COL4A3: variants seen among roughly 807,000 people sequenced by gnomAD.
COL4A3 encodes the protein collagen type IV alpha 3 chain, also known as collagen alpha-3(IV) chain.
Under a neutral mutation model 217.4 loss-of-function variants are expected in COL4A3, and 135 were observed. The observed-to-expected ratio is 0.62, with a 90% confidence interval of 0.54 to 0.72. The LOEUF (loss-of-function observed/expected upper bound fraction) is 0.72. COL4A3 is among the 30% of genes least tolerant of loss of function. COL4A3 has a pLI of 0.00. For missense variants in COL4A3, 1,868 were observed against 2,119.9 expected (o/e 0.88, Z 2.33); for synonymous variants, 690 against 736.3 (o/e 0.94, Z 1.02).
At chr2:227,267,287 G>C (rs909822768) in intron 23 of COL4A3, among the ~76,000 whole-genome samples, 199 bp downstream of exon 23, 1 of 152,162 alleles carries the variant, frequency 6.6e-6, no homozygotes, top group Non-Finnish European at 1.5e-5. Context: ...TTCCATTTTA[G>C]TTGCTGACCC....
At chr2:227,274,238 A>AAAATAAAT (rs57515255) in intron 26 of COL4A3, among the ~76,000 whole-genome samples, 2,312 of 143,814 alleles carry the variant, frequency 0.016, 56 homozygotes, top group African/African-American at 0.051. Flanking sequence ...TACTGTCTCA[A>AAAATAAAT]AAATAAATAA....
intron 19 of COL4A3, 74 bp downstream of exon 19, chr2:227,259,951 T>A: frequency 9.3e-7 from 1 of 1,078,148 alleles, no homozygotes; most frequent in Non-Finnish European, 1.4e-6. Context: ...AAATAGCATG[T>A]GCTTATGGAA....
chr2:227,304,983 A>G lies in COL4A3; in HGVS notation c.4154-2A>G. ...TGCAATACAATGTTGGTTTTTGCCT[A>G]GGACCCTGTGGGCCAAGAGGTAAGC... On this transcript the variant is annotated splice_acceptor_variant, in intron 46 of 51. Coordinates refer to ENST00000396578, the MANE Select transcript of COL4A3 (RefSeq NM_000091.5). LOFTEE classifies it high-confidence loss of function. 6.2e-7 allele frequency: 1 copy of G among 1,613,458 alleles called. No homozygotes were observed. Among genetic ancestry groups the G allele is most frequent in the Non-Finnish European group, 8.5e-7 (1 of 1,179,586 alleles).
At chr2:227,244,239 G>A in intron 3 of COL4A3, 81 bp from the exon 4 acceptor site, 1 of 1,158,052 alleles carries the variant, frequency 8.6e-7, no homozygotes, top group South Asian at 1.2e-5. Flanking sequence ...GCATGTGACT[G>A]AGACTGGGTT....
intron 1 of COL4A3, among the ~76,000 whole-genome samples, chr2:227,237,189 A>G (rs12694723): frequency 0.14 from 20,635 of 152,198 alleles, 1,732 homozygotes; most frequent in South Asian, 0.36. Context: ...TCTGTTGTTC[A>G]AAATATTTGA....
At chr2:227,284,125 GT>G (rs2072169190) in intron 33 of COL4A3, 85 bp from the exon 34 acceptor site, 6 of 1,562,014 alleles carry the variant, frequency 3.8e-6, no homozygotes, top group Non-Finnish European at 5.3e-6. Flanking sequence ...GATTTGTTCT[GT>G]TTTATAGTAA....
intron 1 of COL4A3, among the ~76,000 whole-genome samples, chr2:227,202,982 CATAT>C (rs2066816600): frequency 1.7e-4 from 1 of 5,840 alleles, no homozygotes; most frequent in Non-Finnish European, 3.0e-4. Flanking sequence ...TGTATATATA[CATAT>C]GTGTATATAT....
rs371574290 is a variant in COL4A3 at position 227,290,013 on chromosome 2, T to C, written c.2995T>C (p.Leu999=). ...TTGTTCTCAAGGCCCCAGAGGAGAT[T>C]TGGGCAGCACTGGGAATCCTGGAGA... The part of the protein sequence containing the change: ...PAGPPGPRGD[L]GSTGNPGEPG... Residue 999 remains leucine (L), a synonymous_variant, in exon 36 of 52, where the codon TTG becomes CTG. Coordinates refer to ENST00000396578, the MANE Select transcript of COL4A3 (RefSeq NM_000091.5). 2.8e-5 allele frequency: 45 copies of C among 1,614,076 alleles called. No individual in the cohort carries two copies. The African/African-American group carries it at 4.8e-4, about 17-fold the overall frequency.
At chr2:227,257,409 G>A (rs1270919728) in intron 17 of COL4A3, among the ~76,000 whole-genome samples, 194 bp from the exon 18 acceptor site, 1 of 152,192 alleles carries the variant, frequency 6.6e-6, no homozygotes, top group Non-Finnish European at 1.5e-5. Flanking sequence ...GTACAACCTT[G>A]TAGATGGGAT....
In COL4A3 at chr2:227,180,813, T is replaced by C. The variant is rs542998616; in HGVS notation, c.87+16000T>C. The stretch of plus-strand genomic sequence containing the variant: ...ATGAGATTCAATATCAGAAAAGCAA[T>C]AGTCCAAATGTTTTTTATACTCATT... On this transcript the variant is annotated intron_variant, in intron 1 of 51. Coordinates refer to ENST00000396578, the MANE Select transcript of COL4A3 (RefSeq NM_000091.5). Among the ~76,000 whole-genome samples the C allele has an allele frequency of 2.6e-4, 39 of 152,296 alleles. No homozygotes were observed. In the South Asian group the frequency reaches 7.7e-3, roughly 30 times the overall value.
intron 28 of COL4A3, among the ~76,000 whole-genome samples, chr2:227,277,816 A>G (rs1249307477): frequency 3.9e-5 from 6 of 152,268 alleles, no homozygotes; most frequent in Non-Finnish European, 7.4e-5. Flanking sequence ...CCTGGCCAAC[A>G]TGGTGAAACC....
chr2:227,243,017 T>C (rs2069117489), intron 3 of COL4A3, among the ~76,000 whole-genome samples: 1 of 152,206 alleles, frequency 6.6e-6, no homozygotes, highest in African/African-American at 2.4e-5. Flanking sequence ...TCCATTTCTA[T>C]TGGTAGAACG....
rs1337115556 is a variant in COL4A3 at position 227,202,771 on chromosome 2, A to C, written c.88-35197A>C. Among the ~76,000 whole-genome samples the C allele has an allele frequency of 7.2e-5, 9 of 125,092 alleles. 1 individual carries two copies. The highest frequency in any genetic ancestry group is 2.0e-4 in the East Asian group (1 of 4,932). The allele number at this position is 125,092 out of a possible 152,430, so 82.1% of individuals were successfully genotyped here. A position where few individuals can be genotyped will look rare whatever the true frequency, so the allele number is the denominator to read the frequency against. ...AATATATATATATATATATATATATATCACATATATATACACATGTGTATA... is the reference window on the plus strand; with the variant it reads ...AATATATATATATATATATATATATCTCACATATATATACACATGTGTATA... On this transcript the variant is annotated intron_variant, in intron 1 of 51. Transcript: ENST00000396578.
chr2:227,167,723 A>G (rs2065329279), intron 1 of COL4A3, among the ~76,000 whole-genome samples: 1 of 152,220 alleles, frequency 6.6e-6, no homozygotes, highest in Admixed American at 6.5e-5. Flanking sequence ...AATGGAACAG[A>G]CACCAACTTA....
In COL4A3 at chr2:227,308,957, C is replaced by G; in HGVS notation, c.4521C>G (p.Val1507=). 1 of 1,614,208 alleles carries G rather than the reference C, an allele frequency of 6.2e-7. No individual in the cohort carries two copies. Residue 1507 remains valine (V), a synonymous_variant, in exon 49 of 52, where the codon GTC becomes GTG. Transcript: ENST00000396578. ...CAATGCCATTCTTATTCTGCAATGT[C>G]AATGATGTATGTAATTTTGCATCTC... ...FTTMPFLFCN[V]NDVCNFASRN...
intron 1 of COL4A3, among the ~76,000 whole-genome samples, chr2:227,171,346 A>C (rs541990257): frequency 6.6e-6 from 1 of 152,284 alleles, no homozygotes; most frequent in African/African-American, 2.4e-5. Flanking sequence ...AGTGTATGTA[A>C]ATTCCTAGTG....
Position 227,309,633 on chromosome 2 carries a change from G to A in COL4A3, c.4755+315G>A, listed in dbSNP as rs138795208. On this transcript the variant is annotated intron_variant, in intron 50 of 51. Coordinates refer to ENST00000396578, the MANE Select transcript of COL4A3 (RefSeq NM_000091.5). ...TTTTTATCTTTTGAGACAGATTCTC[G>A]CTCTGTCACCCAGGCTGGAGTGCAG... 0.044 allele frequency among the ~76,000 whole-genome samples: 6,636 copies of A among 151,894 alleles called. 496 individuals are homozygous for A. The highest frequency in any genetic ancestry group is 0.15 in the African/African-American group (6,282 of 41,380).
At chr2:227,218,076 ATAGCTATAT>A (rs1303762479) in intron 1 of COL4A3, among the ~76,000 whole-genome samples, 2 of 49,986 alleles carry the variant, frequency 4.0e-5, no homozygotes, top group South Asian at 1.1e-3. Context: ...AACTATATAT[ATAGCTATAT>A]ATATATATAT....
chr2:227,202,746 AATATATATAT>A (rs56134612), intron 1 of COL4A3, among the ~76,000 whole-genome samples: 3,690 of 22,164 alleles, frequency 0.17, 237 homozygotes, highest in African/African-American at 0.34. Flanking sequence ...AAAAAAAAAA[AATATATATAT>A]ATATATATAT....
Sources: gnomAD v4.1 joint callset for allele counts (sites outside exome capture counted in the v4.1 genomes callset) on GRCh38, gnomAD v4.1.1 for gene constraint, MANE v1.5 for transcripts, NCBI Gene and HGNC (gene_info 2026-07-23, HGNC 2026-07-21) for gene names.